The following BPIFC variants were observed in gnomAD, a reference collection of about 807,000 sequenced individuals.
The protein encoded by BPIFC is BPI fold containing family C.
In BPIFC, 60 loss-of-function variants were observed where a neutral mutation model predicts 57.6. The observed-to-expected ratio is 1.04, with a 90% CI of 0.85 to 1.29. BPIFC has a LOEUF of 1.29. BPIFC is among the 50% of genes most tolerant of loss of function. The pLI is 0.00. For missense variants in BPIFC, 581 were observed against 600.5 expected (o/e 0.97, Z 0.34); for synonymous variants, 243 against 224.5 (o/e 1.08, Z -0.74).
intron 2 of BPIFC, among the ~76,000 whole-genome samples, chr22:32,458,929 T>C (rs994944312): frequency 6.6e-6 from 1 of 152,228 alleles, no homozygotes; most frequent in Non-Finnish European, 1.5e-5. Context: ...ATACTTGGCA[T>C]ACATGAATGA....
chr22:32,425,401 A>G (rs1374513941), intron 13 of BPIFC, among the ~76,000 whole-genome samples: 1 of 152,182 alleles, frequency 6.6e-6, no homozygotes, highest in Non-Finnish European at 1.5e-5. Context: ...GATGACAAAG[A>G]TCCAATAATA....
intron 3 of BPIFC, among the ~76,000 whole-genome samples, chr22:32,456,927 C>T (rs893347973): frequency 6.6e-6 from 1 of 152,112 alleles, no homozygotes; most frequent in Non-Finnish European, 1.5e-5. Flanking sequence ...CTTTCTGAAG[C>T]CCCAAGGTGT....
In BPIFC at chr22:32,440,842, G is replaced by C. The variant is rs1012074723; in HGVS notation, c.655+1829C>G. 3.9e-5 allele frequency among the ~76,000 whole-genome samples: 6 copies of C among 152,182 alleles called. No individual in the cohort carries two copies. In the East Asian group the frequency reaches 1.2e-3, roughly 29 times the overall value. On this transcript the variant is annotated intron_variant, in intron 8 of 16. Transcript: ENST00000300399. ...CCTAGGCCGGCCACCATCATTAATT[G>C]TATGGGTCACTGCACTCATCTCTTA...
intron 13 of BPIFC, among the ~76,000 whole-genome samples, chr22:32,424,657 T>TCCTCCTCCTCCTCCTCCTCCTCCTCC (rs1601447308): frequency 3.2e-5 from 2 of 62,230 alleles, no homozygotes; most frequent in Non-Finnish European, 5.5e-5. Context: ...CTTCTTCTTC[T>TCCTCCTCCTCCTCCTCCTCCTCCTCC]TCTTCTTCTT....
At chr22:32,446,630 G>A in intron 5 of BPIFC, 1 of 447,368 alleles carries the variant, frequency 2.2e-6, no homozygotes. Flanking sequence ...GACTGACTTA[G>A]TGGAAGAATG....
At chr22:32,436,408 A>G (rs1037573589) in intron 9 of BPIFC, among the ~76,000 whole-genome samples, 7 of 149,776 alleles carry the variant, frequency 4.7e-5, no homozygotes, top group Non-Finnish European at 1.0e-4. Context: ...GAGGAGGAGG[A>G]GGGAAAAGAA....
intron 4 of BPIFC, 50 bp downstream of exon 4, chr22:32,453,333 G>C (rs1934944597): frequency 7.5e-7 from 1 of 1,338,020 alleles, no homozygotes; most frequent in African/African-American, 1.5e-5. Context: ...TTCCTCCACT[G>C]TTTCCTTTGA....
At chr22:32,428,108 T>C (rs1190107539) in intron 13 of BPIFC, among the ~76,000 whole-genome samples, 1 of 152,216 alleles carries the variant, frequency 6.6e-6, no homozygotes, top group African/African-American at 2.4e-5. Flanking sequence ...TCTGGAGGCC[T>C]GAGGCACTTT....
intron 8 of BPIFC, among the ~76,000 whole-genome samples, chr22:32,438,735 A>G (rs1934480579): frequency 6.6e-6 from 1 of 151,860 alleles, no homozygotes; most frequent in Non-Finnish European, 1.5e-5. Context: ...CAAACACAAA[A>G]CTCATATCAA....
intron 1 of BPIFC, among the ~76,000 whole-genome samples, chr22:32,462,186 A>G (rs887487321): frequency 1.0e-4 from 15 of 145,472 alleles, no homozygotes; most frequent in Admixed American, 1.4e-4. Flanking sequence ...AAAAAAAAAA[A>G]AAAAGAAAAA....
intron 15 of BPIFC, 81 bp downstream of exon 15, chr22:32,417,004 C>T: frequency 8.2e-7 from 1 of 1,220,766 alleles, no homozygotes; most frequent in Non-Finnish European, 1.2e-6. Context: ...TGGAAAGTCC[C>T]AAACAATCCC....
At chr22:32,442,198 T>C (rs1934583806) in intron 8 of BPIFC, among the ~76,000 whole-genome samples, 2 of 152,152 alleles carry the variant, frequency 1.3e-5, no homozygotes, top group African/African-American at 2.4e-5. Flanking sequence ...AACAGTTTGA[T>C]TGCTGGGGCA....
At position 32,414,118 on chromosome 22, in the gene BPIFC, CTATT is replaced by C; in HGVS notation, c.*181_*184del. 2 of 591,220 alleles carry C rather than the reference CTATT, an allele frequency of 3.4e-6. No homozygotes were observed. The highest frequency in any genetic ancestry group is 4.8e-5 in the South Asian group (2 of 41,358). The allele number at this position is 591,220 out of a possible 1,614,324, so 36.6% of individuals were successfully genotyped here. On this transcript the variant is annotated 3_prime_UTR_variant, in exon 17 of 17. Transcript: ENST00000300399. ...TGCATACACTCACATTCAGACACCT[CTATT>C]TATCCCTTTAACAGAGTCTGCCTTA...
Position 32,435,685 on chromosome 22 carries a change from C to T in BPIFC, c.924+19G>A. On this transcript the variant is annotated intron_variant, in intron 10 of 16. Coordinates refer to ENST00000300399, the MANE Select transcript of BPIFC (RefSeq NM_174932.3). ...CTGAATGATGGTGACCATTGACATCCTCAGTTAACTCTCCTCACCTCTTCG... is the reference window on the plus strand; with the variant it reads ...CTGAATGATGGTGACCATTGACATCTTCAGTTAACTCTCCTCACCTCTTCG... 6.2e-7 allele frequency: 1 copy of T among 1,603,490 alleles called. No homozygotes were observed. The highest frequency in any genetic ancestry group is 1.1e-5 in the South Asian group (1 of 89,298).
At chr22:32,442,539 G>A (rs56258507) in intron 8 of BPIFC, 132 bp downstream of exon 8, 117 of 860,236 alleles carry the variant, frequency 1.4e-4, no homozygotes, top group Non-Finnish European at 1.8e-4. Flanking sequence ...GCACCTTCCC[G>A]GGGCTCTAAT....
At position 32,463,213 on chromosome 22, in the gene BPIFC, T is replaced by C. The variant is rs1289967096; in HGVS notation, c.-89+1161A>G. 3.3e-5 allele frequency among the ~76,000 whole-genome samples: 5 copies of C among 152,290 alleles called. No individual in the cohort carries two copies. In the South Asian group the frequency reaches 8.3e-4, roughly 25 times the overall value. ...ATTGTTCAGTTACGATGATAACTTA[T>C]GGGCAGGGGAGGAAAGGAACCTTGT... On this transcript the variant is annotated intron_variant, in intron 1 of 16. Coordinates refer to ENST00000300399, the MANE Select transcript of BPIFC (RefSeq NM_174932.3).
In BPIFC at chr22:32,442,729, G is replaced by A. The variant is rs568515093; in HGVS notation, c.597C>T (p.Leu199=). ...KPILKNLNEM[L]CPIIASEVKA... ...TGACTTCACTTGCAATAATGGGACA[G>A]AGCTGGCCACAAAGGAATAAAAAGA... Residue 199 remains leucine, a splice_region_variant and synonymous_variant, in exon 8 of 17, where the codon CTC becomes CTT. Transcript: ENST00000300399. 2 of 1,613,776 alleles carry A rather than the reference G, an allele frequency of 1.2e-6. No homozygotes were observed. The highest frequency in any genetic ancestry group is 4.5e-5 in the East Asian group (2 of 44,880).
Position 32,442,672 on chromosome 22 carries a change from C to A in BPIFC, c.654G>T (p.Glu218Asp). 6.2e-7 allele frequency: 1 copy of A among 1,613,238 alleles called. No individual in the cohort carries two copies. The highest frequency in any genetic ancestry group is 2.2e-5 in the East Asian group (1 of 44,870). The change falls in exon 8 of 17, where the codon GAG (glutamate) becomes GAT (aspartate). Residue 218 changes from glutamate to aspartate, a missense_variant and splice_region_variant. By Grantham distance (45) the Glu-to-Asp change is conservative. Coordinates refer to ENST00000300399, the MANE Select transcript of BPIFC (RefSeq NM_174932.3). ...KALNANLSTLEVLTKIDNYTL... is the reference protein window; with the variant it reads ...KALNANLSTLDVLTKIDNYTL... Reference sequence around the variant, plus strand: ...GGAAAAGACAGTTCTAAGACTCACCCTCCAGTGTGCTGAGGTTGGCATTTA... The same window carrying A: ...GGAAAAGACAGTTCTAAGACTCACCATCCAGTGTGCTGAGGTTGGCATTTA...
intron 11 of BPIFC, among the ~76,000 whole-genome samples, 165 bp downstream of exon 11, chr22:32,433,554 C>T (rs770214227): frequency 1.3e-4 from 20 of 152,134 alleles, no homozygotes; most frequent in Non-Finnish European, 2.5e-4. Flanking sequence ...GCACTTTAAA[C>T]TGTACTGTTC....
Sources: allele counts gnomAD v4.1 joint callset (sites outside exome capture counted in the v4.1 genomes callset), GRCh38; gene constraint gnomAD v4.1.1; transcripts MANE v1.5; gene names NCBI Gene and HGNC (gene_info 2026-07-23, HGNC 2026-07-21).